Variants in LCP1 observed in about 807,000 individuals in gnomAD.
The protein encoded by LCP1 is plastin-2.
A neutral mutation model predicts 72.0 loss-of-function variants in LCP1; 23 were observed. The ratio of observed to expected loss-of-function variants is 0.32; its 90% CI spans 0.23 to 0.45. The LOEUF is 0.45. Ranked by LOEUF, LCP1 falls within the 20% of genes least tolerant of loss-of-function variation. The pLI is 1.00. For synonymous variants in LCP1, 245 were observed against 275.4 expected, an observed-to-expected ratio of 0.89 and a Z score of 1.09; for missense variants, 571 against 748.3, an observed-to-expected ratio of 0.76 and a Z score of 2.76.
chr13:46,167,106 T>G (rs1464990888), intron 1 of LCP1, among the ~76,000 whole-genome samples: 1 of 152,162 alleles, frequency 6.6e-6, no homozygotes. Context: ...AATTCTTCTC[T>G]CTGCAGGCTC....
intron 12 of LCP1, 157 bp from the exon 13 acceptor site, chr13:46,142,582 T>G (rs931074871): frequency 1.3e-6 from 1 of 775,002 alleles, no homozygotes. Flanking sequence ...GATTCAAAAT[T>G]AAAGAATTTT....
chr13:46,144,029 G>A (rs552133590), intron 11 of LCP1, among the ~76,000 whole-genome samples: 3 of 151,926 alleles, frequency 2.0e-5, no homozygotes, highest in South Asian at 2.1e-4. Flanking sequence ...TTGCGCCACC[G>A]CACTCCAGCC....
chr13:46,175,463 T>C (rs2045924654), intron 1 of LCP1, among the ~76,000 whole-genome samples: 1 of 152,224 alleles, frequency 6.6e-6, no homozygotes. Context: ...CCTTTCTTTA[T>C]ACCACATTTG....
chr13:46,148,504 CATAACAA>C, intron 8 of LCP1, 57 bp from the exon 9 acceptor site: 1 of 1,045,608 alleles, frequency 9.6e-7, no homozygotes, highest in Non-Finnish European at 1.4e-6. Context: ...ACATACTTAG[CATAACAA>C]TGATTTCCCA....
At chr13:46,163,537 C>A (rs2045858515) in intron 1 of LCP1, among the ~76,000 whole-genome samples, 1 of 151,962 alleles carries the variant, frequency 6.6e-6, no homozygotes, top group African/African-American at 2.4e-5. Flanking sequence ...AAACCAGACA[C>A]CTTTGTTCAC....
intron 13 of LCP1, among the ~76,000 whole-genome samples, chr13:46,137,942 T>C (rs922688141): frequency 6.6e-6 from 1 of 152,240 alleles, no homozygotes; most frequent in Admixed American, 6.5e-5. Context: ...TTATTTGGCA[T>C]AGAGGAACAA....
intron 12 of LCP1, 75 bp from the exon 13 acceptor site, chr13:46,142,500 A>G: frequency 4.1e-6 from 6 of 1,472,548 alleles, no homozygotes. Context: ...TAATAAAAAT[A>G]AAGATAAAAA....
chr13:46,157,294 A>C (rs2138259284), intron 4 of LCP1, among the ~76,000 whole-genome samples: 1 of 152,206 alleles, frequency 6.6e-6, no homozygotes, highest in South Asian at 2.1e-4. Context: ...ATGTGGTATA[A>C]TGCTTACAGG....
At chr13:46,150,842 G>T in intron 8 of LCP1, 94 bp downstream of exon 8, 1 of 1,371,874 alleles carries the variant, frequency 7.3e-7, no homozygotes, top group Non-Finnish European at 1.0e-6. Flanking sequence ...AACTTCTGAA[G>T]AGAGGAAGCC....
At chr13:46,149,268 G>C (rs2045748820) in intron 8 of LCP1, among the ~76,000 whole-genome samples, 1 of 152,176 alleles carries the variant, frequency 6.6e-6, no homozygotes, top group South Asian at 2.1e-4. Flanking sequence ...GGGCAGAGGA[G>C]AGGTATGCTC....
intron 1 of LCP1, among the ~76,000 whole-genome samples, chr13:46,176,438 TG>T (rs2045930944): frequency 6.6e-6 from 1 of 152,216 alleles, no homozygotes; most frequent in South Asian, 2.1e-4. Flanking sequence ...AAGGTTTTTA[TG>T]GAAAAAAAGT....
In LCP1 at chr13:46,158,603, C is replaced by T. The variant is rs1434886726; in HGVS notation, c.277G>A (p.Ala93Thr). ...STDVAKTFRKAINKKEGICAI... is the reference protein window; with the variant it reads ...STDVAKTFRKTINKKEGICAI... ...CAAATCCCTTCCTTCTTATTGATTG[C>T]TTTTCTAAAGGTCTTGGCAACATCT... The change falls in exon 4 of 16, where the codon GCA becomes ACA. Residue 93 changes from alanine to threonine, a missense_variant. Ala to Thr is a moderately conservative substitution (Grantham distance 58, BLOSUM62 0). Transcript: ENST00000323076. 4 of 1,614,170 alleles carry T rather than the reference C, an allele frequency of 2.5e-6. No individual in the cohort carries two copies. Among genetic ancestry groups the T allele is most frequent in the Non-Finnish European group, 2.5e-6 (3 of 1,180,028 alleles).
At chr13:46,135,394 C>T (rs2045658896) in intron 13 of LCP1, among the ~76,000 whole-genome samples, 1 of 152,104 alleles carries the variant, frequency 6.6e-6, no homozygotes, top group South Asian at 2.1e-4. Flanking sequence ...TTCAGGTCAC[C>T]CTCCACTTGT....
chr13:46,159,539 A>G, intron 2 of LCP1, 60 bp downstream of exon 2: 1 of 1,348,506 alleles, frequency 7.4e-7, no homozygotes, highest in Non-Finnish European at 1.1e-6. Flanking sequence ...CATTGAATCT[A>G]CCCTGAAGCT....
chr13:46,172,619 A>G (rs2045910002), intron 1 of LCP1, among the ~76,000 whole-genome samples: 1 of 152,192 alleles, frequency 6.6e-6, no homozygotes. Flanking sequence ...CTCCAGGATG[A>G]GAGGTTGGTG....
intron 9 of LCP1, among the ~76,000 whole-genome samples, chr13:46,147,754 C>A (rs1237863784): frequency 6.6e-6 from 1 of 152,058 alleles, no homozygotes; most frequent in African/African-American, 2.4e-5. Context: ...GACTCTTAAC[C>A]CTAAAATTTT....
At chr13:46,154,680 G>T in intron 6 of LCP1, 125 bp downstream of exon 6, 1 of 713,666 alleles carries the variant, frequency 1.4e-6, no homozygotes, top group Non-Finnish European at 2.5e-6. Flanking sequence ...AGTATGACAA[G>T]TCACCAGCCC....
chr13:46,137,193 C>T (rs1449968866), intron 13 of LCP1, among the ~76,000 whole-genome samples: 1 of 144,532 alleles, frequency 6.9e-6, no homozygotes, highest in South Asian at 2.3e-4. Context: ...CAGACACCCA[C>T]TTGTAAGTAA....
chr13:46,132,518 C>A (rs2045640256), intron 14 of LCP1, among the ~76,000 whole-genome samples: 1 of 152,214 alleles, frequency 6.6e-6, no homozygotes, highest in African/African-American at 2.4e-5. Context: ...GCCAGCTTCA[C>A]AATGTCAGCG....
Sources: gnomAD v4.1 joint callset for allele counts (sites outside exome capture counted in the v4.1 genomes callset) on GRCh38, gnomAD v4.1.1 for gene constraint, MANE v1.5 for transcripts, NCBI Gene and HGNC (gene_info 2026-07-23, HGNC 2026-07-21) for gene names.